TMEM117: variants seen among roughly 807,000 people sequenced by gnomAD.
The protein encoded by TMEM117 is transmembrane protein 117.
A neutral mutation model predicts 52.4 loss-of-function variants in TMEM117; 27 were observed. The ratio of observed to expected loss-of-function variants is 0.51; its 90% confidence interval spans 0.38 to 0.71. The LOEUF is 0.71. TMEM117 is among the 30% of genes least tolerant of loss of function. TMEM117 has a pLI of 0.00. For synonymous variants in TMEM117, 215 were observed against 206.3 expected (o/e 1.04, Z -0.36); for missense variants, 556 against 630.5 (o/e 0.88, Z 1.26).
chr12:44,389,064 A>AATGATAC lies in TMEM117; in HGVS notation c.*392_*393insATGATAC. 1 of 161,306 alleles carries AATGATAC rather than the reference A, an allele frequency of 6.2e-6. No homozygotes were observed. The highest frequency in any genetic ancestry group is 1.6e-4 in the South Asian group (1 of 6,252). The allele number at this position is 161,306 out of a possible 1,614,324, so 10.0% of individuals were successfully genotyped here. On this transcript the variant is annotated 3_prime_UTR_variant, in exon 8 of 8. Transcript: ENST00000266534. ...AACCTATTTCACATGGGCGTTTTGT[A>AATGATAC]TACAACTATTTTGATCTACACTTGA...
At chr12:43,800,125 C>T in the TMEM117 span, among the ~76,000 whole-genome samples, 1 of 151,802 alleles carries the variant, frequency 6.6e-6, no homozygotes, top group Non-Finnish European at 1.5e-5. Context: ...TCTAAACAAA[C>T]AAAAAAGTTC....
chr12:44,360,710 G>T (rs958813767), intron 6 of TMEM117, among the ~76,000 whole-genome samples: 21 of 152,216 alleles, frequency 1.4e-4, no homozygotes, highest in African/African-American at 5.1e-4. Context: ...CAATCTAAAT[G>T]ATGTCGAGAA....
At chr12:44,173,002 G>A (rs566710594) in intron 4 of TMEM117, among the ~76,000 whole-genome samples, 18 of 152,338 alleles carry the variant, frequency 1.2e-4, no homozygotes, top group African/African-American at 4.1e-4. Context: ...CGGGATTACA[G>A]GCGTGGGCCA....
intron 6 of TMEM117, among the ~76,000 whole-genome samples, chr12:44,364,034 G>A (rs1487093409): frequency 8.5e-5 from 13 of 152,110 alleles, no homozygotes; most frequent in Admixed American, 3.3e-4. Flanking sequence ...TAAATCAAGT[G>A]TATCTGGGTT....
chr12:44,180,463 A>G (rs1313710115), intron 4 of TMEM117, among the ~76,000 whole-genome samples: 8 of 145,502 alleles, frequency 5.5e-5, no homozygotes, highest in African/African-American at 7.5e-5. Context: ...CTAACTCGTC[A>G]TCTAGCATTA....
the TMEM117 span, chr12:43,806,159 C>G: frequency 2.0e-6 from 3 of 1,505,032 alleles, no homozygotes; most frequent in Non-Finnish European, 2.7e-6. Flanking sequence ...TCCTGCAGCC[C>G]TCCCGGCTCT....
At chr12:44,211,487 G>C in intron 5 of TMEM117, 100 bp downstream of exon 5, 1 of 781,912 alleles carries the variant, frequency 1.3e-6, no homozygotes, top group Non-Finnish European at 2.0e-6. Context: ...TCTATCTAGA[G>C]GGACATTTTT....
chr12:43,862,110 G>A (rs1340112221), intron 2 of TMEM117, among the ~76,000 whole-genome samples: 1 of 152,168 alleles, frequency 6.6e-6, no homozygotes, highest in Non-Finnish European at 1.5e-5. Flanking sequence ...CAGAGTGAAG[G>A]CAATGTGGAG....
chr12:44,243,991 G>C (rs941303878), intron 5 of TMEM117, among the ~76,000 whole-genome samples: 2 of 151,938 alleles, frequency 1.3e-5, no homozygotes, highest in Admixed American at 1.3e-4. Flanking sequence ...GTATTCTGCT[G>C]TATGTATATA....
At chr12:44,117,843 A>G (rs1033800517) in intron 3 of TMEM117, among the ~76,000 whole-genome samples, 3 of 152,104 alleles carry the variant, frequency 2.0e-5, no homozygotes, top group African/African-American at 7.2e-5. Flanking sequence ...TCTTTGAGTA[A>G]GGAGATCCTA....
chr12:43,963,690 T>A (rs1945440661), intron 3 of TMEM117, among the ~76,000 whole-genome samples: 1 of 152,218 alleles, frequency 6.6e-6, no homozygotes, highest in South Asian at 2.1e-4. Flanking sequence ...GGTAAGAATT[T>A]AGGACTAGAA....
intron 3 of TMEM117, among the ~76,000 whole-genome samples, chr12:44,114,334 A>T (rs1051213455): frequency 1.3e-5 from 2 of 152,206 alleles, no homozygotes; most frequent in Non-Finnish European, 2.9e-5. Context: ...GGCAACCAAA[A>T]ATGAGTGAAT....
At chr12:44,188,200 G>T (rs17094194) in intron 4 of TMEM117, among the ~76,000 whole-genome samples, 11,812 of 151,980 alleles carry the variant, frequency 0.078, 1,382 homozygotes, top group African/African-American at 0.26. Context: ...TCTCTTTTAG[G>T]CCTGCAAATC....
In TMEM117 at chr12:44,256,260, T is replaced by G. The variant is rs555606657; in HGVS notation, c.609-43320T>G. Reference sequence around the variant, plus strand: ...ACATATGTGCATATAAAACAATGTATGTATGTTGAAAGGAACAAGACTTTT... The same window carrying G: ...ACATATGTGCATATAAAACAATGTAGGTATGTTGAAAGGAACAAGACTTTT... On this transcript the variant is annotated intron_variant, in intron 5 of 7. Transcript: ENST00000266534. Among the ~76,000 whole-genome samples the G allele has an allele frequency of 1.2e-3, 183 of 152,084 alleles. 2 individuals are homozygous for G. The highest frequency in any genetic ancestry group is 4.4e-3 in the African/African-American group (182 of 41,560).
At chr12:44,270,820 C>T (rs1443972051) in intron 5 of TMEM117, among the ~76,000 whole-genome samples, 2 of 152,040 alleles carry the variant, frequency 1.3e-5, no homozygotes, top group Non-Finnish European at 2.9e-5. Flanking sequence ...GGTTTTTAAT[C>T]ATAAAGAGTT....
intron 3 of TMEM117, among the ~76,000 whole-genome samples, chr12:44,000,369 A>G (rs1447052810): frequency 6.6e-6 from 1 of 151,982 alleles, no homozygotes; most frequent in African/African-American, 2.4e-5. Context: ...GTCTTTGTGT[A>G]CTCCCAGAGG....
At chr12:44,258,321 A>G (rs1194097016) in intron 5 of TMEM117, among the ~76,000 whole-genome samples, 1 of 152,138 alleles carries the variant, frequency 6.6e-6, no homozygotes, top group Non-Finnish European at 1.5e-5. Context: ...TCTATGTATA[A>G]TGAGCAGCCG....
chr12:44,297,035 T>C (rs1950777862), intron 5 of TMEM117, among the ~76,000 whole-genome samples: 2 of 152,210 alleles, frequency 1.3e-5, no homozygotes, highest in South Asian at 4.1e-4. Flanking sequence ...GGCACTTTTT[T>C]CCATAGATAG....
intron 6 of TMEM117, among the ~76,000 whole-genome samples, chr12:44,336,937 G>A (rs889581445): frequency 2.6e-5 from 4 of 152,062 alleles, no homozygotes; most frequent in East Asian, 3.9e-4. Flanking sequence ...TGCTGCTGAC[G>A]GGAGCAGTAT....
Sources: allele counts gnomAD v4.1 joint callset (sites outside exome capture counted in the v4.1 genomes callset), GRCh38; gene constraint gnomAD v4.1.1; transcripts MANE v1.5; gene names NCBI Gene and HGNC (gene_info 2026-07-23, HGNC 2026-07-21).